The following MYB variants were observed in gnomAD, a reference collection of about 807,000 sequenced individuals.
MYB encodes the protein MYB proto-oncogene, transcription factor.
Under a neutral mutation model 92.9 loss-of-function variants are expected in MYB, and 28 were observed. The ratio of observed to expected loss-of-function variants is 0.30; its 90% CI spans 0.22 to 0.41. The LOEUF (loss-of-function observed/expected upper bound fraction) is 0.41, where lower values mean the gene tolerates loss of function less well. Ranked by LOEUF, MYB falls within the 10% of genes least tolerant of loss-of-function variation. The pLI, the probability that MYB is intolerant of heterozygous loss-of-function variation, is 1.00. For missense variants in MYB, 679 were observed against 929.3 expected (o/e 0.73, Z 3.50); for synonymous variants, 295 against 329.1 (o/e 0.90, Z 1.12).
intron 11 of MYB, among the ~76,000 whole-genome samples, chr6:135,199,321 T>C (rs1777748327): frequency 6.6e-6 from 1 of 152,184 alleles, no homozygotes; most frequent in Non-Finnish European, 1.5e-5. Context: ...AACTTTTCCA[T>C]TCGGTTTGTT....
rs1776496733 is a variant in MYB, at chr6:135,190,563, C to T, written c.527+216C>T. 6.6e-6 allele frequency among the ~76,000 whole-genome samples: 1 copy of T among 152,170 alleles called. No homozygotes were observed. Among genetic ancestry groups the T allele is most frequent in the Admixed American group, 6.5e-5 (1 of 15,286 alleles). ...CCTGACAGTGAGCCCTGGGTGAAGACATTTAGCTTTCCCCAGCCTCAATTT... is the reference window on the plus strand; with the variant it reads ...CCTGACAGTGAGCCCTGGGTGAAGATATTTAGCTTTCCCCAGCCTCAATTT... On this transcript the variant is annotated intron_variant, in intron 5 of 15. Coordinates refer to ENST00000341911, the MANE Select transcript of MYB (RefSeq NM_001130173.2). The surrounding 1 kb of genome is among the most constrained non-coding windows in gnomAD (Gnocchi z 4.5).
chr6:135,194,917 A>T, intron 8 of MYB: 2 of 1,295,252 alleles, frequency 1.5e-6, no homozygotes, highest in Non-Finnish European at 2.0e-6. Context: ...AAACCTCTTC[A>T]TAAATAACAT....
At chr6:135,194,687 T>C (rs112861508) in intron 8 of MYB, 5 of 567,630 alleles carry the variant, frequency 8.8e-6, no homozygotes, top group Non-Finnish European at 1.5e-5. Context: ...TATCCACTTA[T>C]GATTGTTATC....
chr6:135,215,315 C>T (rs374545626), intron 15 of MYB, among the ~76,000 whole-genome samples: 36 of 152,326 alleles, frequency 2.4e-4, no homozygotes, highest in African/African-American at 8.4e-4. Flanking sequence ...TTCCAAGGCC[C>T]TGGTGCCCTG....
intron 6 of MYB, among the ~76,000 whole-genome samples, chr6:135,193,392 G>T (rs1382740239): frequency 6.6e-6 from 1 of 152,032 alleles, no homozygotes; most frequent in Non-Finnish European, 1.5e-5. Context: ...TTACAGAAAG[G>T]TCTCAGATGA....
Position 135,181,719 on chromosome 6 carries a change from CTT to C in MYB, c.23+185_23+186del, listed in dbSNP as rs1277665900. On this transcript the variant is annotated intron_variant, in intron 1 of 15. Coordinates refer to ENST00000341911, the MANE Select transcript of MYB (RefSeq NM_001130173.2). The surrounding 1 kb of genome is among the most constrained non-coding windows in gnomAD (Gnocchi z 5.3). ...TCCAGAGACTGATGAATGGAAGAGT[CTT>C]TGCGGGAAATGTATCCGGACGTTGG... Among the ~76,000 whole-genome samples, 7 of 152,228 alleles carry C rather than the reference CTT, an allele frequency of 4.6e-5. No homozygotes were observed. The highest frequency in any genetic ancestry group is 8.8e-5 in the Non-Finnish European group (6 of 68,038).
chr6:135,186,191 T>C (rs1454842642), intron 2 of MYB, among the ~76,000 whole-genome samples, 171 bp downstream of exon 2: 1 of 152,208 alleles, frequency 6.6e-6, no homozygotes, highest in Non-Finnish European at 1.5e-5. Context: ...ATATTATCCA[T>C]TTCCACACTA....
intron 8 of MYB, chr6:135,194,716 A>T (rs1583295282): frequency 3.5e-6 from 2 of 570,672 alleles, no homozygotes; most frequent in Non-Finnish European, 6.0e-6. Flanking sequence ...TTTTCTTCAG[A>T]AGGACTATAA....
chr6:135,206,205 CAAAAAA>C (rs67836018), intron 15 of MYB, among the ~76,000 whole-genome samples: 100 of 87,340 alleles, frequency 1.1e-3, no homozygotes, highest in African/African-American at 3.7e-3. Context: ...GACTCCATCT[CAAAAAA>C]AAAAAAAAAA....
At position 135,181,730 on chromosome 6, in the gene MYB, A is replaced by G. The variant is rs1182891867; in HGVS notation, c.23+194A>G. Among the ~76,000 whole-genome samples, 1 of 152,228 alleles carries G rather than the reference A, an allele frequency of 6.6e-6. No individual in the cohort carries two copies. The highest frequency in any genetic ancestry group is 1.5e-5 in the Non-Finnish European group (1 of 68,040). On this transcript the variant is annotated intron_variant, in intron 1 of 15. Coordinates refer to ENST00000341911, the MANE Select transcript of MYB (RefSeq NM_001130173.2). The surrounding 1 kb of genome is among the most constrained non-coding windows in gnomAD (Gnocchi z 5.3). ...ATGAATGGAAGAGTCTTTGCGGGAA[A>G]TGTATCCGGACGTTGGGAAGCACGC...
At chr6:135,184,049 G>A (rs960741565) in intron 1 of MYB, among the ~76,000 whole-genome samples, 1 of 152,188 alleles carries the variant, frequency 6.6e-6, no homozygotes, top group African/African-American at 2.4e-5. Context: ...GCGGGCGGCT[G>A]AATAGGTTGC....
chr6:135,201,523 A>C lies in MYB; in HGVS notation c.1951-116A>C. ...TAGAGCAAATTGAGCTGATAGTGTAAGTTAGCAACATAGTTTTATAAAAGT... is the reference window on the plus strand; with the variant it reads ...TAGAGCAAATTGAGCTGATAGTGTACGTTAGCAACATAGTTTTATAAAAGT... On this transcript the variant is annotated intron_variant, in intron 13 of 15. Transcript: ENST00000341911. The C allele has an allele frequency of 3.5e-6, 2 of 569,474 alleles. 1 individual carries two copies. Among genetic ancestry groups the C allele is most frequent in the South Asian group, 5.6e-5 (2 of 35,530 alleles). The allele number at this position is 569,474 out of a possible 1,614,324, so 35.3% of individuals were successfully genotyped here.
In MYB at chr6:135,190,606, A is replaced by G. The variant is rs1290996108; in HGVS notation, c.527+259A>G. Among the ~76,000 whole-genome samples, 1 of 152,176 alleles carries G rather than the reference A, an allele frequency of 6.6e-6. No homozygotes were observed. The highest frequency in any genetic ancestry group is 2.4e-5 in the African/African-American group (1 of 41,430). ...CTCAATTTCCCCATTTCCAAAATGA[A>G]TCATACAGGGCCAGTGTTAGGATCA... On this transcript the variant is annotated intron_variant, in intron 5 of 15. Transcript: ENST00000341911. This position sits in a 1 kb window ranked among gnomAD's most constrained non-coding sequence, Gnocchi z 4.5.
intron 15 of MYB, chr6:135,204,016 C>A: frequency 1.9e-6 from 1 of 518,352 alleles, no homozygotes; most frequent in Non-Finnish European, 2.7e-6. Context: ...CATTAAATAG[C>A]CCAATACCCA....
rs1448908637 is a variant in MYB at position 135,218,462 on chromosome 6, T to C, written c.*482T>C. ...ACCATGTGACATTTAATCCAGATTG[T>C]AAATGCTCATTTATGGTTAATGACA... On this transcript the variant is annotated 3_prime_UTR_variant, in exon 16 of 16. Transcript: ENST00000341911. 5.3e-6 allele frequency: 1 copy of C among 187,478 alleles called. No homozygotes were observed. The highest frequency in any genetic ancestry group is 1.1e-5 in the Non-Finnish European group (1 of 88,682). 11.6% of individuals were successfully genotyped at this position (187,478 alleles called of 1,614,324 possible).
rs529428310 is a variant in MYB, at chr6:135,191,545, A to G, written c.528-779A>G. Among the ~76,000 whole-genome samples the G allele has an allele frequency of 5.9e-5, 9 of 152,298 alleles. No homozygotes were observed. In the East Asian group the frequency reaches 1.7e-3, roughly 29 times the overall value. ...CTTTCCTCCCATATGGCCTGAGAGG[A>G]TACACTGCTGATTCTTCTCAAAATT... On this transcript the variant is annotated intron_variant, in intron 5 of 15. Coordinates refer to ENST00000341911, the MANE Select transcript of MYB (RefSeq NM_001130173.2).
Position 135,181,668 on chromosome 6 carries a change from G to C in MYB, c.23+132G>C, listed in dbSNP as rs1429626343. The C allele has an allele frequency of 5.7e-6, 3 of 527,370 alleles. No homozygotes were observed. Among genetic ancestry groups the C allele is most frequent in the Non-Finnish European group, 7.8e-6 (3 of 387,086 alleles). The allele number at this position is 527,370 out of a possible 1,614,324, so 32.7% of individuals were successfully genotyped here. ...CTGTCAGACCCTCCGAGGACCTGGA[G>C]CCCCTGCCTCGGCAGCAGAAGCCGC... On this transcript the variant is annotated intron_variant, in intron 1 of 15. Coordinates refer to ENST00000341911, the MANE Select transcript of MYB (RefSeq NM_001130173.2). This position sits in a 1 kb window ranked among gnomAD's most constrained non-coding sequence, Gnocchi z 5.3.
chr6:135,196,046 A>G (rs752327328), intron 9 of MYB, 44 bp downstream of exon 9: 1 of 1,583,012 alleles, frequency 6.3e-7, no homozygotes, highest in Non-Finnish European at 8.6e-7. Flanking sequence ...TGGAAGATAA[A>G]TTAGAAAACC....
chr6:135,189,303 A>G (rs752463870), intron 3 of MYB, among the ~76,000 whole-genome samples: 1 of 152,156 alleles, frequency 6.6e-6, no homozygotes, highest in Non-Finnish European at 1.5e-5. Context: ...TAAGTTTACA[A>G]ACTCCTGTAA....
Sources: allele counts gnomAD v4.1 joint callset (sites outside exome capture counted in the v4.1 genomes callset), GRCh38; gene constraint gnomAD v4.1.1; non-coding constraint Gnocchi (gnomAD v3.1); transcripts MANE v1.5; gene names NCBI Gene and HGNC (gene_info 2026-07-23, HGNC 2026-07-21).